The following ZNG1E variants were observed in gnomAD, a reference collection of about 807,000 sequenced individuals.
The protein encoded by ZNG1E is Zn regulated GTPase metalloprotein activator 1E.
At chr9:65,681,041 G>A in the ZNG1E span, among the ~76,000 whole-genome samples, 6 of 151,996 alleles carry the variant, frequency 3.9e-5, no homozygotes. Context: ...GCCCGCCTTG[G>A]CCTCCCTATA....
the ZNG1E span, among the ~76,000 whole-genome samples, chr9:65,685,043 T>TAAAAAA: frequency 0.016 from 1,708 of 107,590 alleles, no homozygotes; most frequent in Non-Finnish European, 0.025. Context: ...CCCCATTTCT[T>TAAAAAA]AAAAAAAAAA....
chr9:65,658,732 C>G, the ZNG1E span, among the ~76,000 whole-genome samples: 1 of 141,584 alleles, frequency 7.1e-6, no homozygotes, highest in African/African-American at 2.8e-5. Context: ...TCTCATGGTT[C>G]TGGATGCTAG....
At chr9:65,660,541 G>C in the ZNG1E span, among the ~76,000 whole-genome samples, 15 of 152,338 alleles carry the variant, frequency 9.8e-5, no homozygotes, top group Middle Eastern at 3.4e-3. Flanking sequence ...AGTGTATTCG[G>C]TATTTATGTG....
At chr9:65,678,023 T>C in the ZNG1E span, among the ~76,000 whole-genome samples, 1 of 150,976 alleles carries the variant, frequency 6.6e-6, no homozygotes, top group Non-Finnish European at 1.5e-5. Context: ...TCTTGTTCAC[T>C]TTTTCACCAA....
chr9:65,681,428 A>G, the ZNG1E span: 1 of 1,599,050 alleles, frequency 6.3e-7, no homozygotes, highest in Non-Finnish European at 8.5e-7. Context: ...TAATTTAGAT[A>G]TCAAGGCTGC....
the ZNG1E span, among the ~76,000 whole-genome samples, chr9:65,687,470 A>C: frequency 1.8e-3 from 281 of 152,112 alleles, no homozygotes; most frequent in Admixed American, 0.014. Context: ...TTACTTGGCT[A>C]GGTATAAAAT....
At chr9:65,704,922 A>AC in the ZNG1E span, 3 of 138,186 alleles carry the variant, frequency 2.2e-5, no homozygotes, top group East Asian at 4.0e-4. Flanking sequence ...AAAAAAAAAA[A>AC]AAAACAAACA....
chr9:65,682,117 T>C, the ZNG1E span: 1 of 219,894 alleles, frequency 4.5e-6, no homozygotes, highest in Non-Finnish European at 9.1e-6. Flanking sequence ...ACCCAACACA[T>C]AGTAGCACTC....
chr9:65,659,448 T>C, the ZNG1E span, among the ~76,000 whole-genome samples: 1 of 145,768 alleles, frequency 6.9e-6, no homozygotes, highest in Non-Finnish European at 1.5e-5. Context: ...TGAGCCGAGA[T>C]CATGCCACTG....
chr9:65,703,865 G>C, the ZNG1E span: 1 of 963,402 alleles, frequency 1.0e-6, no homozygotes, highest in Non-Finnish European at 1.2e-6. Context: ...GAATTAATTT[G>C]GTATGCATTC....
chr9:65,661,994 A>G, the ZNG1E span, among the ~76,000 whole-genome samples: 1 of 152,266 alleles, frequency 6.6e-6, no homozygotes, highest in South Asian at 2.1e-4. Flanking sequence ...CATAGTTTCA[A>G]AGTATCTCCC....
chr9:65,661,061 C>T, the ZNG1E span, among the ~76,000 whole-genome samples: 5 of 147,934 alleles, frequency 3.4e-5, no homozygotes, highest in African/African-American at 1.3e-4. Context: ...ACTGCTAGAT[C>T]TAAGGATTTT....
At chr9:65,662,509 A>G in the ZNG1E span, among the ~76,000 whole-genome samples, 52 of 152,118 alleles carry the variant, frequency 3.4e-4, no homozygotes, top group African/African-American at 1.2e-3. Context: ...TGAAGGGTAT[A>G]TGGGAACCTC....
chr9:65,693,837 A>G, the ZNG1E span, among the ~76,000 whole-genome samples: 1 of 151,772 alleles, frequency 6.6e-6, no homozygotes, highest in Non-Finnish European at 1.5e-5. Flanking sequence ...GATTACAGGC[A>G]TGAGCCACCA....
the ZNG1E span, among the ~76,000 whole-genome samples, chr9:65,663,931 C>T: frequency 6.6e-6 from 1 of 152,188 alleles, no homozygotes; most frequent in Non-Finnish European, 1.5e-5. Flanking sequence ...TCATCACAAA[C>T]ATATTGCTTC....
the ZNG1E span, among the ~76,000 whole-genome samples, chr9:65,667,116 C>T: frequency 3.3e-5 from 5 of 152,374 alleles, no homozygotes; most frequent in Middle Eastern, 3.4e-3. Flanking sequence ...CCACCGTACC[C>T]GGCCCACCAG....
At chr9:65,720,924 A>C in the ZNG1E span, among the ~76,000 whole-genome samples, 4 of 149,700 alleles carry the variant, frequency 2.7e-5, no homozygotes, top group Admixed American at 6.7e-5. Flanking sequence ...CTTATCTTTA[A>C]AATGAATAAA....
At chr9:65,658,467 A>G in the ZNG1E span, among the ~76,000 whole-genome samples, 1 of 151,734 alleles carries the variant, frequency 6.6e-6, no homozygotes, top group Admixed American at 6.6e-5. Flanking sequence ...ACATCTAAAT[A>G]AGAGGAGATC....
chr9:65,709,392 T>A, the ZNG1E span, among the ~76,000 whole-genome samples: 1 of 149,716 alleles, frequency 6.7e-6, no homozygotes, highest in South Asian at 2.1e-4. Context: ...AGGGTACATG[T>A]GCACAATGTG....
Sources: gnomAD v4.1 joint callset for allele counts (sites outside exome capture counted in the v4.1 genomes callset) on GRCh38, gnomAD v4.1.1 for gene constraint, MANE v1.5 for transcripts, NCBI Gene and HGNC (gene_info 2026-07-23, HGNC 2026-07-21) for gene names.